Variants in ZNF560 observed in about 807,000 individuals in gnomAD.
The protein encoded by ZNF560 is zinc finger protein 560.
A neutral mutation model predicts 81.8 loss-of-function variants in ZNF560; 54 were observed. The observed-to-expected ratio is 0.66, with a 90% CI of 0.53 to 0.83. The LOEUF (loss-of-function observed/expected upper bound fraction) is 0.83, where lower values mean the gene tolerates loss of function less well. Among genes scored for constraint, ZNF560 ranks in the 40% least tolerant of loss-of-function variants. The probability of loss-of-function intolerance (pLI) is 0.00; values close to 1 mark genes in which losing one functional copy is unlikely to be tolerated. For synonymous variants in ZNF560, 321 were observed against 317.9 expected (o/e 1.01, Z -0.10); for missense variants, 940 against 932.4 (o/e 1.01, Z -0.11).
the ZNF560 span, among the ~76,000 whole-genome samples, chr19:9,455,717 T>C: frequency 6.6e-6 from 1 of 152,188 alleles, no homozygotes; most frequent in African/African-American, 2.4e-5. Context: ...ACAATGCTAA[T>C]CCCAAGTGCC....
intron 2 of ZNF560, among the ~76,000 whole-genome samples, chr19:9,491,845 A>C (rs1015392833): frequency 5.3e-5 from 6 of 113,622 alleles, no homozygotes. Context: ...AAAAAAAAAA[A>C]CAGGGATAAA....
chr19:9,467,524 C>T lies in ZNF560; in HGVS notation c.1423G>A (p.Val475Ile). 1.2e-6 allele frequency: 2 copies of T among 1,614,094 alleles called. No homozygotes were observed. Among genetic ancestry groups the T allele is most frequent in the Non-Finnish European group, 1.7e-6 (2 of 1,180,030 alleles). ...YGKAFGTSSG[V>I]IEDRRSNTGQ... The stretch of plus-strand genomic sequence containing the variant: ...GTGTTACTTCTTCTATCTTCAATAA[C>T]ACCTGAGGATGTACCAAAGGCCTTC... Residue 475 changes from valine to isoleucine, a missense_variant, in exon 10 of 10, where the codon GTT becomes ATT. By Grantham distance (29) the Val-to-Ile change is conservative. Coordinates refer to ENST00000301480, the MANE Select transcript of ZNF560 (RefSeq NM_152476.3).
intron 6 of ZNF560, among the ~76,000 whole-genome samples, chr19:9,470,976 C>T (rs1041754914): frequency 1.3e-5 from 2 of 152,152 alleles, no homozygotes; most frequent in Non-Finnish European, 2.9e-5. Context: ...CAGGGTAATT[C>T]CTCACCAATA....
upstream of ZNF560, among the ~76,000 whole-genome samples, chr19:9,502,526 TGGA>T (rs1442857441): frequency 2.0e-5 from 3 of 152,170 alleles, no homozygotes; most frequent in Non-Finnish European, 2.9e-5. Flanking sequence ...TCTACTTTTT[TGGA>T]GGATATTGAG....
chr19:9,459,911 G>A, the ZNF560 span, among the ~76,000 whole-genome samples: 80 of 152,150 alleles, frequency 5.3e-4, 1 homozygote, highest in Middle Eastern at 0.01. Context: ...TTTTAGACCC[G>A]GGACCCAGGA....
At chr19:9,470,319 A>G (rs775819652) in intron 7 of ZNF560, 73 bp downstream of exon 7, 18 of 1,527,154 alleles carry the variant, frequency 1.2e-5, no homozygotes, top group Non-Finnish European at 1.6e-5. Flanking sequence ...GACATCACTA[A>G]TCCTAGAATA....
chr19:9,473,865 T>C (rs1003721869), intron 4 of ZNF560, among the ~76,000 whole-genome samples: 4 of 152,222 alleles, frequency 2.6e-5, no homozygotes, highest in Non-Finnish European at 5.9e-5. Flanking sequence ...GACCCTTGTA[T>C]ACTTGGAGAA....
chr19:9,479,872 G>C (rs554430377), intron 2 of ZNF560, among the ~76,000 whole-genome samples: 2 of 152,034 alleles, frequency 1.3e-5, no homozygotes, highest in Admixed American at 1.3e-4. Flanking sequence ...ATCCACAGGT[G>C]GGGGAGGGGT....
At chr19:9,480,564 TA>T (rs776842824) in intron 2 of ZNF560, among the ~76,000 whole-genome samples, 1 of 141,866 alleles carries the variant, frequency 7.0e-6, no homozygotes, top group Admixed American at 7.0e-5. Context: ...TAAATGAAAC[TA>T]AAAAAAAATC....
At chr19:9,482,367 T>C (rs761041466) in intron 2 of ZNF560, among the ~76,000 whole-genome samples, 4 of 149,166 alleles carry the variant, frequency 2.7e-5, no homozygotes, top group Non-Finnish European at 5.9e-5. Context: ...GGCACATGTA[T>C]ATATATGTAA....
At chr19:9,485,094 A>C (rs777723711) in intron 2 of ZNF560, among the ~76,000 whole-genome samples, 8 of 152,190 alleles carry the variant, frequency 5.3e-5, no homozygotes, top group Non-Finnish European at 7.4e-5. Flanking sequence ...CCAAATCACT[A>C]ACTAAAAATC....
chr19:9,487,663 G>C (rs935798102), intron 2 of ZNF560, among the ~76,000 whole-genome samples: 1 of 152,182 alleles, frequency 6.6e-6, no homozygotes, highest in Non-Finnish European at 1.5e-5. Flanking sequence ...ACTGGGGCTT[G>C]GGGTATAGTA....
intron 8 of ZNF560, 105 bp from the exon 9 acceptor site, chr19:9,469,292 A>G: frequency 3.6e-6 from 3 of 844,978 alleles, no homozygotes; most frequent in Non-Finnish European, 5.4e-6. Flanking sequence ...AAATTTGGCA[A>G]TCATATGGGG....
At chr19:9,505,881 C>A in the ZNF560 span, among the ~76,000 whole-genome samples, 6 of 152,272 alleles carry the variant, frequency 3.9e-5, no homozygotes, top group African/African-American at 1.4e-4. Context: ...CCAGGCTGAT[C>A]TTTAACTCCT....
chr19:9,463,943 G>A (rs537478586), downstream of ZNF560, among the ~76,000 whole-genome samples: 32 of 152,250 alleles, frequency 2.1e-4, no homozygotes, highest in African/African-American at 2.9e-4. Context: ...TTGGCCTCCC[G>A]AAGTGCTGGG....
chr19:9,456,722 T>G, the ZNF560 span, among the ~76,000 whole-genome samples: 1 of 152,230 alleles, frequency 6.6e-6, no homozygotes, highest in Non-Finnish European at 1.5e-5. Context: ...AGTTATACTT[T>G]GCATTGTAAA....
the ZNF560 span, among the ~76,000 whole-genome samples, chr19:9,446,787 G>A: frequency 6.6e-6 from 1 of 152,046 alleles, no homozygotes; most frequent in Non-Finnish European, 1.5e-5. Flanking sequence ...GAGATATCTA[G>A]AGATATTCAC....
the ZNF560 span, among the ~76,000 whole-genome samples, chr19:9,452,358 T>TTA: frequency 2.0e-5 from 3 of 152,150 alleles, no homozygotes; most frequent in Non-Finnish European, 4.4e-5. Flanking sequence ...TCAAAAGAAC[T>TTA]TATAACAAAG....
intron 2 of ZNF560, among the ~76,000 whole-genome samples, chr19:9,491,203 T>C (rs1215290537): frequency 6.6e-6 from 1 of 152,054 alleles, no homozygotes; most frequent in Non-Finnish European, 1.5e-5. Context: ...ACCTCCACCT[T>C]CTAGGCTCAA....
Sources: allele counts gnomAD v4.1 joint callset (sites outside exome capture counted in the v4.1 genomes callset), GRCh38; gene constraint gnomAD v4.1.1; transcripts MANE v1.5; gene names NCBI Gene and HGNC (gene_info 2026-07-23, HGNC 2026-07-21).